Variants in ADGRG6 observed in about 807,000 individuals in gnomAD.
ADGRG6 encodes G-protein coupled receptor 126.
Under a neutral mutation model 142.4 loss-of-function variants are expected in ADGRG6, and 84 were observed. That is an observed-to-expected ratio of 0.59 (90% CI 0.49 to 0.71). ADGRG6 has a LOEUF of 0.71. Among genes scored for constraint, ADGRG6 ranks in the 30% least tolerant of loss-of-function variants. The probability of loss-of-function intolerance (pLI) is 0.00; values close to 1 mark genes in which losing one functional copy is unlikely to be tolerated. For synonymous variants in ADGRG6, 521 were observed against 520.5 expected, an observed-to-expected ratio of 1.00 and a Z score of -0.01; for missense variants, 1,367 against 1,466.6, an observed-to-expected ratio of 0.93 and a Z score of 1.11.
chr6:142,443,309 A>C, intron 24 of ADGRG6, 28 bp from the exon 25 acceptor site: 8 of 1,571,060 alleles, frequency 5.1e-6, no homozygotes, highest in Non-Finnish European at 5.2e-6. Context: ...CTCATCTTGA[A>C]CCTAATTTCT....
chr6:142,383,871 T>C, intron 6 of ADGRG6, 28 bp downstream of exon 6: 1 of 1,100,488 alleles, frequency 9.1e-7, no homozygotes, highest in Non-Finnish European at 1.4e-6. Context: ...TTTATATTTT[T>C]AGTATGTCTA....
At position 142,403,697 on chromosome 6, in the gene ADGRG6, A is replaced by C; in HGVS notation, c.1956-105A>C. 23 of 688,152 alleles carry C rather than the reference A, an allele frequency of 3.3e-5. No individual in the cohort carries two copies. The South Asian group carries it at 4.2e-4, about 12-fold the overall frequency. The allele number at this position is 688,152 out of a possible 1,614,324, so 42.6% of individuals were successfully genotyped here. A position where few individuals can be genotyped will look rare whatever the true frequency, so the allele number is the denominator to read the frequency against. On this transcript the variant is annotated intron_variant, in intron 13 of 24. Coordinates refer to ENST00000367609, the MANE Select transcript of ADGRG6 (RefSeq NM_198569.3). ...TTCATGTTAAGATCAGAAAATCTAA[A>C]CACAATTTTATTTTGTTTGTATTTT...
chr6:142,382,154 T>G (rs941136023), intron 5 of ADGRG6, 135 bp downstream of exon 5: 1 of 628,192 alleles, frequency 1.6e-6, no homozygotes, highest in African/African-American at 1.8e-5. Context: ...GAAGAATTTC[T>G]GCATGTGTTT....
intron 22 of ADGRG6, among the ~76,000 whole-genome samples, chr6:142,436,052 C>A (rs1348313243): frequency 6.6e-6 from 1 of 152,078 alleles, no homozygotes; most frequent in Non-Finnish European, 1.5e-5. Context: ...ATGTGAGATG[C>A]TGCCAAGGGG....
chr6:142,322,476 T>TC (rs1241854097), intron 2 of ADGRG6, among the ~76,000 whole-genome samples: 10 of 152,088 alleles, frequency 6.6e-5, no homozygotes, highest in African/African-American at 2.2e-4. Flanking sequence ...TTAGGTCAAG[T>TC]GTAAGATGCC....
intron 22 of ADGRG6, among the ~76,000 whole-genome samples, chr6:142,432,826 T>G (rs1241419045): frequency 6.6e-6 from 1 of 152,182 alleles, no homozygotes; most frequent in African/African-American, 2.4e-5. Flanking sequence ...TTTTCTGATG[T>G]CCTCAAAACA....
intron 23 of ADGRG6, 126 bp downstream of exon 23, chr6:142,437,661 C>T (rs777684309): frequency 4.7e-5 from 29 of 619,958 alleles, no homozygotes; most frequent in Middle Eastern, 2.8e-4. Flanking sequence ...TGTGAAGATG[C>T]GTAGTTGGAA....
intron 22 of ADGRG6, among the ~76,000 whole-genome samples, chr6:142,432,337 G>A (rs566562847): frequency 6.6e-6 from 1 of 152,264 alleles, no homozygotes; most frequent in South Asian, 2.1e-4. Context: ...AAAAGGGCTA[G>A]TGACTACAAA....
Position 142,408,509 on chromosome 6 carries a change from G to A in ADGRG6, c.2388+240G>A, listed in dbSNP as rs370875570. On this transcript the variant is annotated intron_variant, in intron 16 of 24. Coordinates refer to ENST00000367609, the MANE Select transcript of ADGRG6 (RefSeq NM_198569.3). ...AGAAAGAGAAGGGAAGTGAAGAGAAGGGCTTCTATTTTTCAGATATAACAT... is the reference window on the plus strand; with the variant it reads ...AGAAAGAGAAGGGAAGTGAAGAGAAAGGCTTCTATTTTTCAGATATAACAT... Among the ~76,000 whole-genome samples, 29 of 152,128 alleles carry A rather than the reference G, an allele frequency of 1.9e-4. No homozygotes were observed. In the South Asian group the frequency reaches 5.6e-3, roughly 29 times the overall value.
Position 142,370,448 on chromosome 6 carries a change from AAAG to A in ADGRG6, c.729_731del (p.Glu243del). ...GAATAATGCATTACCTGTCAAAGAA[AAAG>A]AAGACATTTTTGCAGAAAGCTTTGA... On this transcript the variant is annotated inframe_deletion, in exon 4 of 25. Coordinates refer to ENST00000367609, the MANE Select transcript of ADGRG6 (RefSeq NM_198569.3). 6.2e-7 allele frequency: 1 copy of A among 1,613,652 alleles called. No homozygotes were observed. Among genetic ancestry groups the A allele is most frequent in the Non-Finnish European group, 8.5e-7 (1 of 1,179,582 alleles).
chr6:142,369,471 C>G (rs1781118664), intron 3 of ADGRG6, among the ~76,000 whole-genome samples: 1 of 152,126 alleles, frequency 6.6e-6, no homozygotes, highest in African/African-American at 2.4e-5. Flanking sequence ...GTAACATACC[C>G]AGGGTCACAT....
intron 2 of ADGRG6, among the ~76,000 whole-genome samples, chr6:142,365,588 C>T (rs773528623): frequency 4.8e-4 from 73 of 152,092 alleles, no homozygotes; most frequent in Non-Finnish European, 9.6e-4. Context: ...ACATGGTGCT[C>T]CAGGGATGGA....
At chr6:142,307,483 AAAT>A (rs1582951375) in intron 1 of ADGRG6, among the ~76,000 whole-genome samples, 1 of 152,044 alleles carries the variant, frequency 6.6e-6, no homozygotes, top group Non-Finnish European at 1.5e-5. Context: ...CTATTCTTCC[AAAT>A]AAGTGAACTT....
intron 2 of ADGRG6, among the ~76,000 whole-genome samples, chr6:142,322,659 T>G (rs1057014863): frequency 1.3e-5 from 2 of 152,106 alleles, no homozygotes; most frequent in Non-Finnish European, 2.9e-5. Context: ...TAGGACCTTG[T>G]GCAAGACTTA....
chr6:142,402,706 G>C lies in ADGRG6; in HGVS notation c.1831G>C (p.Glu611Gln), dbSNP rs1465202971. 4 of 1,606,754 alleles carry C rather than the reference G, an allele frequency of 2.5e-6. No individual in the cohort carries two copies. ...CTCAGCCAATATTACCAACATTGTG[G>C]AACAGGTCAAAAGAATTGTGAATAA... ...LTSANITNIV[E>Q]QVKRIVNKEE... is the part of the protein sequence containing the mutation. Residue 611 changes from glutamate to glutamine, a missense_variant, in exon 13 of 25, where the codon GAA (glutamate) becomes CAA (glutamine). Coordinates refer to ENST00000367609, the MANE Select transcript of ADGRG6 (RefSeq NM_198569.3).
chr6:142,396,560 T>G (rs1775206989), intron 9 of ADGRG6, among the ~76,000 whole-genome samples: 1 of 152,172 alleles, frequency 6.6e-6, no homozygotes, highest in African/African-American at 2.4e-5. Context: ...CTTATTAATA[T>G]TCATAGTTTC....
In ADGRG6 at chr6:142,439,095, A is replaced by G. The variant is rs564309655; in HGVS notation, c.3574+731A>G. ...GTGCCCTGGAGTTCAGGCTGCAGTG[A>G]GAAATGATTGAGCAACTGTACCACA... On this transcript the variant is annotated intron_variant, in intron 24 of 24. Transcript: ENST00000367609. Among the ~76,000 whole-genome samples the G allele has an allele frequency of 2.6e-5, 4 of 152,298 alleles. No homozygotes were observed. The South Asian group carries it at 8.3e-4, about 32-fold the overall frequency.
chr6:142,349,711 A>G (rs988581350), intron 2 of ADGRG6, among the ~76,000 whole-genome samples: 1 of 152,212 alleles, frequency 6.6e-6, no homozygotes, highest in Non-Finnish European at 1.5e-5. Flanking sequence ...ACTAATCCAT[A>G]GAGTAAACAC....
rs1050594002 is a variant in ADGRG6, at chr6:142,445,275, G to T, written c.*1760G>T. 1 of 152,100 alleles carries T rather than the reference G, an allele frequency of 6.6e-6. No individual in the cohort carries two copies. Among genetic ancestry groups the T allele is most frequent in the Non-Finnish European group, 1.5e-5 (1 of 68,022 alleles). The allele number at this position is 152,100 out of a possible 1,614,324, so 9.4% of individuals were successfully genotyped here. ...AGAATAGTAAATATAAGGTCACTGA[G>T]ATTCTAAGTAAGATAGTAAATCTAA... On this transcript the variant is annotated 3_prime_UTR_variant, in exon 25 of 25. Transcript: ENST00000367609.
Sources: allele counts gnomAD v4.1 joint callset (sites outside exome capture counted in the v4.1 genomes callset), GRCh38; gene constraint gnomAD v4.1.1; transcripts MANE v1.5; gene names NCBI Gene and HGNC (gene_info 2026-07-23, HGNC 2026-07-21).